Variants in MYO3B observed in about 807,000 individuals in gnomAD.
MYO3B encodes myosin-IIIb.
Under a neutral mutation model 174.6 loss-of-function variants are expected in MYO3B, and 156 were observed. The observed-to-expected ratio is 0.89, with a 90% CI of 0.78 to 1.02. The LOEUF is 1.02. MYO3B is among the 50% of genes least tolerant of loss of function. The pLI is 0.00. For synonymous variants in MYO3B, 563 were observed against 569.1 expected (o/e 0.99, Z 0.15); for missense variants, 1,632 against 1,639.4 (o/e 1.00, Z 0.08).
intron 15 of MYO3B, 59 bp from the exon 16 acceptor site, chr2:170,392,322 G>T: frequency 2.5e-6 from 3 of 1,210,018 alleles, no homozygotes; most frequent in East Asian, 2.5e-5. Context: ...AAATGGAAAT[G>T]CCTGTACTAC....
At chr2:170,504,620 G>A (rs1575086947) in intron 28 of MYO3B, among the ~76,000 whole-genome samples, 1 of 152,132 alleles carries the variant, frequency 6.6e-6, no homozygotes, top group Non-Finnish European at 1.5e-5. Flanking sequence ...CAAAGTCAGG[G>A]TATTAACCTT....
chr2:170,606,891 A>G (rs1337670433), intron 32 of MYO3B, among the ~76,000 whole-genome samples: 1 of 152,086 alleles, frequency 6.6e-6, no homozygotes, highest in African/African-American at 2.4e-5. Flanking sequence ...GTGGTGGCAC[A>G]TGCCTGTAAT....
At chr2:170,311,292 A>G (rs2093737546) in intron 7 of MYO3B, among the ~76,000 whole-genome samples, 1 of 151,742 alleles carries the variant, frequency 6.6e-6, no homozygotes, top group African/African-American at 2.4e-5. Context: ...TTTGTTTTCC[A>G]TTTTATAGCC....
rs1020883583 is a variant in MYO3B, at chr2:170,239,326, A to T, written c.749+3190A>T. 7.2e-5 allele frequency among the ~76,000 whole-genome samples: 11 copies of T among 152,336 alleles called. 1 individual carries two copies. The highest frequency in any genetic ancestry group is 2.6e-4 in the African/African-American group (11 of 41,578). ...TCAATAGAGTTAGTGGAAATATACA[A>T]TTATGTTGGTCTCTTGACAAGCAGG... On this transcript the variant is annotated intron_variant, in intron 7 of 34. Transcript: ENST00000408978.
intron 8 of MYO3B, among the ~76,000 whole-genome samples, chr2:170,363,248 C>G (rs2094174748): frequency 6.6e-6 from 1 of 152,052 alleles, no homozygotes; most frequent in Non-Finnish European, 1.5e-5. Flanking sequence ...GAGTTTTGAT[C>G]TAGTTTTGCC....
intron 16 of MYO3B, among the ~76,000 whole-genome samples, chr2:170,399,242 CAAAA>C (rs71399532): frequency 6.4e-5 from 1 of 15,608 alleles, no homozygotes; most frequent in Non-Finnish European, 1.3e-4. Flanking sequence ...AATTCCGTCT[CAAAA>C]AAAAAAAAAA....
intron 7 of MYO3B, among the ~76,000 whole-genome samples, chr2:170,262,466 A>T (rs765954154): frequency 2.0e-5 from 3 of 152,126 alleles, no homozygotes. Flanking sequence ...GACAGTAAGG[A>T]TGAGTTGGGG....
chr2:170,416,232 T>C (rs17579862), intron 22 of MYO3B, among the ~76,000 whole-genome samples: 26,712 of 152,070 alleles, frequency 0.18, 2,989 homozygotes, highest in East Asian at 0.55. Context: ...TCTTAAAAGA[T>C]ACAAACTAGA....
chr2:170,399,334 T>C (rs1481109045), intron 16 of MYO3B, among the ~76,000 whole-genome samples: 1 of 130,718 alleles, frequency 7.7e-6, no homozygotes, highest in African/African-American at 2.8e-5. Flanking sequence ...AAGAGCTGAG[T>C]GTGGCAGTGC....
rs777858998 is a variant in MYO3B, at chr2:170,401,668, C to T, written c.2106C>T (p.Leu702=). Residue 702 remains leucine, a synonymous_variant, in exon 18 of 35, where the codon CTC becomes CTT. Transcript: ENST00000408978. ...FSWIVNRINT[L]LQPDENICSA... ...GGATTGTGAATCGCATTAATACACT[C>T]CTGCAGCCAGACGAAAACATATGGC... 4 of 1,613,992 alleles carry T rather than the reference C, an allele frequency of 2.5e-6. No individual in the cohort carries two copies. The highest frequency in any genetic ancestry group is 1.7e-5 in the Admixed American group (1 of 60,028).
intron 32 of MYO3B, among the ~76,000 whole-genome samples, chr2:170,590,766 G>A (rs891161534): frequency 3.9e-5 from 6 of 152,078 alleles, no homozygotes; most frequent in Non-Finnish European, 8.8e-5. Flanking sequence ...AGTCGGTGGT[G>A]GGGTGCTACA....
chr2:170,262,565 A>G (rs1041023281), intron 7 of MYO3B, among the ~76,000 whole-genome samples: 1 of 152,194 alleles, frequency 6.6e-6, no homozygotes, highest in African/African-American at 2.4e-5. Flanking sequence ...GGATGGGACA[A>G]TGAAGTAAGA....
chr2:170,374,792 C>G (rs979143112), intron 9 of MYO3B, among the ~76,000 whole-genome samples: 5 of 151,726 alleles, frequency 3.3e-5, no homozygotes, highest in Admixed American at 6.6e-5. Flanking sequence ...CACACACACA[C>G]ACACACACTA....
At chr2:170,617,100 A>C (rs1351422148) in intron 32 of MYO3B, among the ~76,000 whole-genome samples, 1 of 152,152 alleles carries the variant, frequency 6.6e-6, no homozygotes, top group Non-Finnish European at 1.5e-5. Context: ...TTTTTTTGCC[A>C]TTTATCCACA....
intron 7 of MYO3B, among the ~76,000 whole-genome samples, chr2:170,294,906 C>A (rs1358345057): frequency 2.6e-5 from 4 of 151,896 alleles, no homozygotes; most frequent in East Asian, 3.9e-4. Flanking sequence ...AATTGCTGTA[C>A]CTTCTGCTCA....
intron 16 of MYO3B, 145 bp downstream of exon 16, chr2:170,392,640 G>A (rs2105770625): frequency 2.1e-6 from 1 of 483,060 alleles, no homozygotes; most frequent in Non-Finnish European, 3.5e-6. Context: ...TCAAAGTGTG[G>A]TCCCAGGACC....
chr2:170,639,051 G>C (rs1697755183), intron 32 of MYO3B, among the ~76,000 whole-genome samples: 1 of 152,142 alleles, frequency 6.6e-6, no homozygotes, highest in South Asian at 2.1e-4. Context: ...CCTGCTGCAG[G>C]GAATCAAAGA....
chr2:170,391,652 A>T, intron 15 of MYO3B, 34 bp downstream of exon 15: 1 of 1,226,458 alleles, frequency 8.2e-7, no homozygotes, highest in Non-Finnish European at 1.2e-6. Flanking sequence ...TTAATTTTTG[A>T]TGAATGTACG....
intron 9 of MYO3B, 103 bp downstream of exon 9, chr2:170,369,480 T>C: frequency 7.7e-7 from 1 of 1,303,158 alleles, no homozygotes; most frequent in Admixed American, 2.3e-5. Context: ...ATTACATTCC[T>C]GCATTTTTAA....
Sources: gnomAD v4.1 joint callset for allele counts (sites outside exome capture counted in the v4.1 genomes callset) on GRCh38, gnomAD v4.1.1 for gene constraint, MANE v1.5 for transcripts, NCBI Gene and HGNC (gene_info 2026-07-23, HGNC 2026-07-21) for gene names.